SHROOM3: variants seen among roughly 807,000 people sequenced by gnomAD.
SHROOM3 encodes the protein protein Shroom3.
SHROOM3 carries 47 observed loss-of-function variants against 138.6 expected under a neutral mutation model. The ratio of observed to expected loss-of-function variants is 0.34; its 90% confidence interval spans 0.27 to 0.43. The LOEUF (loss-of-function observed/expected upper bound fraction) is 0.43, where lower values mean the gene tolerates loss of function less well. SHROOM3 is among the 20% of genes least tolerant of loss of function. The pLI is 1.00. For missense variants in SHROOM3, 2,491 were observed against 2,596.5 expected (o/e 0.96, Z 0.88); for synonymous variants, 1,062 against 1,063.3 (o/e 1.00, Z 0.02).
intron 2 of SHROOM3, among the ~76,000 whole-genome samples, chr4:76,589,589 C>T (rs1359593600): frequency 6.6e-6 from 1 of 152,172 alleles, no homozygotes; most frequent in Non-Finnish European, 1.5e-5. Context: ...TGAGCCCCAC[C>T]CTGGGAAGCT....
intron 2 of SHROOM3, among the ~76,000 whole-genome samples, chr4:76,633,732 C>A (rs956265948): frequency 2.7e-5 from 4 of 150,820 alleles, no homozygotes; most frequent in African/African-American, 9.7e-5. Context: ...GCCTTTGTTT[C>A]AGCAAAAAAT....
At chr4:76,494,599 T>C (rs2109995556) in intron 1 of SHROOM3, among the ~76,000 whole-genome samples, 1 of 152,332 alleles carries the variant, frequency 6.6e-6, no homozygotes, top group South Asian at 2.1e-4. Context: ...AACATACTGA[T>C]ACTGACACAT....
At chr4:76,738,075 C>G in intron 4 of SHROOM3, among the ~76,000 whole-genome samples, 1 of 152,146 alleles carries the variant, frequency 6.6e-6, no homozygotes, top group East Asian at 1.9e-4. Flanking sequence ...ATCCCAGCAC[C>G]GAAGAGCCCC....
In SHROOM3 at chr4:76,436,134, C is replaced by A. The variant is rs1730559141; in HGVS notation, c.82C>A (p.Leu28Met). Residue 28 changes from leucine to methionine, a missense_variant, in exon 1 of 11, where the codon CTG becomes ATG. Around this residue, in one of 4 missense-constraint regions of SHROOM3, gnomAD observed 284 missense variants for 322.8 expected, o/e 0.88. Coordinates refer to ENST00000296043, the MANE Select transcript of SHROOM3 (RefSeq NM_020859.4). ...GGCCACCAAGGGAAGGTACATTTAT[C>A]TGGAGGCATTCCTGGAGGGAGGAGC... ...NTATKGRYIYLEAFLEGGAPW... is the reference protein window; with the variant it reads ...NTATKGRYIYMEAFLEGGAPW... The A allele has an allele frequency of 6.2e-7, 1 of 1,614,038 alleles. No homozygotes were observed. The highest frequency in any genetic ancestry group is 8.5e-7 in the Non-Finnish European group (1 of 1,179,932).
chr4:76,651,713 C>T (rs552529092), intron 2 of SHROOM3, among the ~76,000 whole-genome samples: 1 of 152,038 alleles, frequency 6.6e-6, no homozygotes, highest in Non-Finnish European at 1.5e-5. Context: ...AATTAATTGT[C>T]CAAGCCAAAG....
At chr4:76,532,800 T>C (rs1328698429) in intron 1 of SHROOM3, among the ~76,000 whole-genome samples, 15 of 152,210 alleles carry the variant, frequency 9.9e-5, no homozygotes, top group Non-Finnish European at 1.9e-4. Context: ...CCATACTTTA[T>C]GTACGGTTTC....
chr4:76,512,787 A>T (rs1252793150), intron 1 of SHROOM3, among the ~76,000 whole-genome samples: 1 of 152,156 alleles, frequency 6.6e-6, no homozygotes, highest in East Asian at 1.9e-4. Flanking sequence ...TTAGCAGAAA[A>T]TTTGGTAAAG....
rs1734593923 is a variant in SHROOM3, at chr4:76,605,463, T to A, written c.323+49700T>A. Among the ~76,000 whole-genome samples, 4 of 152,146 alleles carry A rather than the reference T, an allele frequency of 2.6e-5. 1 individual carries two copies. In the South Asian group the frequency reaches 8.3e-4, roughly 32 times the overall value. On this transcript the variant is annotated intron_variant, in intron 2 of 10. Coordinates refer to ENST00000296043, the MANE Select transcript of SHROOM3 (RefSeq NM_020859.4). The stretch of plus-strand genomic sequence containing the variant: ...AGGCATGCCTTTTAGCCTCAACACA[T>A]CCCATTTTGTATCCCCTTAAACTGT...
rs6148528 is a variant in SHROOM3, at chr4:76,573,381, CAATAATAATAATAATAAT to C, written c.323+17649_323+17666del. On this transcript the variant is annotated intron_variant, in intron 2 of 10. Coordinates refer to ENST00000296043, the MANE Select transcript of SHROOM3 (RefSeq NM_020859.4). ...TTACAAACCCACTTCTGCTGGTTGG[CAATAATAATAATAATAAT>C]AATAATAATAATAATAATAATAATA... Among the ~76,000 whole-genome samples, 609 of 141,042 alleles carry C rather than the reference CAATAATAATAATAATAAT, an allele frequency of 4.3e-3. 3 individuals are homozygous for C. Among genetic ancestry groups the C allele is most frequent in the African/African-American group, 0.014 (540 of 37,964 alleles). 92.5% of individuals were successfully genotyped at this position (141,042 alleles called of 152,430 possible).
chr4:76,682,939 G>A (rs936597262), intron 2 of SHROOM3, among the ~76,000 whole-genome samples: 10 of 152,224 alleles, frequency 6.6e-5, no homozygotes, highest in African/African-American at 2.2e-4. Flanking sequence ...AGTCAATGCA[G>A]TAATAGCTGA....
intron 2 of SHROOM3, among the ~76,000 whole-genome samples, chr4:76,707,528 C>T (rs772365305): frequency 1.3e-5 from 2 of 152,106 alleles, no homozygotes; most frequent in South Asian, 2.1e-4. Context: ...CACCATTCCC[C>T]GATAAGATCA....
intron 2 of SHROOM3, among the ~76,000 whole-genome samples, chr4:76,697,711 C>G (rs950178354): frequency 6.6e-6 from 1 of 152,162 alleles, no homozygotes; most frequent in African/African-American, 2.4e-5. Flanking sequence ...TGTAAAAATA[C>G]TTTGCATGTT....
chr4:76,502,925 T>C (rs1027867721), intron 1 of SHROOM3, among the ~76,000 whole-genome samples: 2 of 152,218 alleles, frequency 1.3e-5, no homozygotes, highest in African/African-American at 4.8e-5. Flanking sequence ...TGCAATGTCA[T>C]ACTTTTCATG....
At chr4:76,438,099 A>G (rs984922221) in intron 1 of SHROOM3, among the ~76,000 whole-genome samples, 1 of 151,948 alleles carries the variant, frequency 6.6e-6, no homozygotes, top group Non-Finnish European at 1.5e-5. Flanking sequence ...TCTAGCAGAC[A>G]TGTGTAGTAG....
chr4:76,513,082 G>A (rs530717440), intron 1 of SHROOM3, among the ~76,000 whole-genome samples: 2 of 152,292 alleles, frequency 1.3e-5, no homozygotes, highest in Non-Finnish European at 2.9e-5. Flanking sequence ...CCACCTGAGA[G>A]CAGGAGCAGT....
intron 2 of SHROOM3, among the ~76,000 whole-genome samples, chr4:76,585,291 A>G (rs1315584792): frequency 6.6e-6 from 1 of 152,234 alleles, no homozygotes; most frequent in Non-Finnish European, 1.5e-5. Flanking sequence ...AAGGAAATTT[A>G]TAAATTGTCT....
At chr4:76,544,000 G>C (rs886727118) in intron 1 of SHROOM3, among the ~76,000 whole-genome samples, 23 of 152,262 alleles carry the variant, frequency 1.5e-4, no homozygotes, top group African/African-American at 5.5e-4. Flanking sequence ...TCTAATCGTG[G>C]ATTTCAATAC....
At chr4:76,657,168 ACTCTCT>A (rs369556375) in intron 2 of SHROOM3, among the ~76,000 whole-genome samples, 41 of 143,702 alleles carry the variant, frequency 2.9e-4, no homozygotes, top group South Asian at 1.4e-3. Flanking sequence ...CAAGAGCGAA[ACTCTCT>A]CTCTCTCTCT....
chr4:76,742,216 A>C, intron 5 of SHROOM3: 1 of 472,058 alleles, frequency 2.1e-6, no homozygotes, highest in Non-Finnish European at 3.8e-6. Flanking sequence ...ATGCAAGGTT[A>C]AGAAAAATTA....
Sources: allele counts gnomAD v4.1 joint callset (sites outside exome capture counted in the v4.1 genomes callset), GRCh38; gene constraint gnomAD v4.1.1; regional missense constraint gnomAD v4.1.1; transcripts MANE v1.5; gene names NCBI Gene and HGNC (gene_info 2026-07-23, HGNC 2026-07-21).